The following COL24A1 variants were observed in gnomAD, a reference collection of about 807,000 sequenced individuals.
COL24A1 encodes the protein collagen type XXIV alpha 1 chain, also known as collagen alpha-1(XXIV) chain.
A neutral mutation model predicts 253.9 loss-of-function variants in COL24A1; 224 were observed. The observed-to-expected ratio is 0.88, with a 90% CI of 0.79 to 0.99. COL24A1 has a LOEUF of 0.99. COL24A1 is among the 50% of genes least tolerant of loss of function. The pLI is 0.00. For missense variants in COL24A1, 2,131 were observed against 2,068.5 expected (o/e 1.03, Z -0.59); for synonymous variants, 685 against 673.7 (o/e 1.02, Z -0.26).
At chr1:86,075,298 T>A (rs1034023399) in intron 7 of COL24A1, among the ~76,000 whole-genome samples, 2 of 151,950 alleles carry the variant, frequency 1.3e-5, no homozygotes, top group Non-Finnish European at 2.9e-5. Flanking sequence ...CTAGAAGAAA[T>A]TGATAAATTC....
rs112623830 is a variant in COL24A1 at position 85,937,433 on chromosome 1, G to A, written c.2562+23816C>T. 1.1e-4 allele frequency among the ~76,000 whole-genome samples: 16 copies of A among 147,852 alleles called. 1 individual carries two copies. The highest frequency in any genetic ancestry group is 3.5e-4 in the African/African-American group (14 of 40,440). On this transcript the variant is annotated intron_variant, in intron 24 of 59. Coordinates refer to ENST00000370571, the MANE Select transcript of COL24A1 (RefSeq NM_152890.7). ...GAAGATGTGAGAAACAGGAATATGG[G>A]AGGACATACTGGAGTAGGCACGAAG...
intron 24 of COL24A1, among the ~76,000 whole-genome samples, chr1:85,934,305 G>C (rs1329410965): frequency 6.6e-6 from 1 of 152,130 alleles, no homozygotes; most frequent in East Asian, 1.9e-4. Context: ...ACTTCAGATG[G>C]AGGAATAGAA....
intron 21 of COL24A1, among the ~76,000 whole-genome samples, chr1:85,970,602 T>C (rs1258300235): frequency 6.6e-6 from 1 of 152,210 alleles, no homozygotes; most frequent in Admixed American, 6.5e-5. Context: ...ACATATTTAC[T>C]AAATATACTG....
At chr1:86,022,149 C>G in intron 18 of COL24A1, 91 bp downstream of exon 18, 2 of 1,087,626 alleles carry the variant, frequency 1.8e-6, no homozygotes, top group Non-Finnish European at 2.9e-6. Flanking sequence ...GCTCAGTAGG[C>G]TTATACCCTA....
chr1:86,040,812 A>C lies in COL24A1; in HGVS notation c.1950+6013T>G, dbSNP rs117659576. 2.4e-3 allele frequency among the ~76,000 whole-genome samples: 372 copies of C among 152,204 alleles called. 10 individuals carry two copies. In the East Asian group the frequency reaches 0.046, roughly 19 times the overall value. On this transcript the variant is annotated intron_variant, in intron 12 of 59. Coordinates refer to ENST00000370571, the MANE Select transcript of COL24A1 (RefSeq NM_152890.7). ...TAAGAATTAATAACAACTTTTTCAT[A>C]ATGTTCTAGCTAGAGTTGTACTTTA...
chr1:86,050,723 A>G (rs187977311), intron 10 of COL24A1, among the ~76,000 whole-genome samples: 3 of 152,250 alleles, frequency 2.0e-5, no homozygotes, highest in Admixed American at 2.0e-4. Flanking sequence ...TATACATAAT[A>G]TACTTTGTGT....
intron 57 of COL24A1, 131 bp downstream of exon 57, chr1:85,744,535 A>G (rs897512346): frequency 1.4e-5 from 9 of 628,642 alleles, no homozygotes; most frequent in Non-Finnish European, 2.3e-5. Context: ...ATTCTTGATG[A>G]CATTAAAATG....
intron 17 of COL24A1, 96 bp downstream of exon 17, chr1:86,022,442 C>T: frequency 3.1e-6 from 4 of 1,301,550 alleles, no homozygotes; most frequent in South Asian, 2.5e-5. Flanking sequence ...ATTGATACCA[C>T]ATTCTAACAC....
chr1:85,877,630 C>T (rs571573075), intron 32 of COL24A1, among the ~76,000 whole-genome samples: 5 of 152,116 alleles, frequency 3.3e-5, no homozygotes, highest in Admixed American at 6.5e-5. Flanking sequence ...CCCAAAGTGC[C>T]GGGATTACAG....
At chr1:85,999,284 C>T (rs1293047144) in intron 19 of COL24A1, among the ~76,000 whole-genome samples, 1 of 152,126 alleles carries the variant, frequency 6.6e-6, no homozygotes, top group Non-Finnish European at 1.5e-5. Flanking sequence ...AAGACTTCCT[C>T]ATCAATCTGG....
chr1:86,095,776 C>A (rs10873746), intron 5 of COL24A1, among the ~76,000 whole-genome samples: 57,483 of 151,856 alleles, frequency 0.38, 11,029 homozygotes, highest in Admixed American at 0.46. Flanking sequence ...AAGTATATAT[C>A]CTTTTGACTA....
At chr1:86,110,107 A>G (rs1396064655) in intron 5 of COL24A1, among the ~76,000 whole-genome samples, 1 of 152,022 alleles carries the variant, frequency 6.6e-6, no homozygotes, top group Non-Finnish European at 1.5e-5. Context: ...AGCCTGAAAA[A>G]ACTAAGAAAA....
intron 24 of COL24A1, among the ~76,000 whole-genome samples, chr1:85,942,651 A>G (rs1688860790): frequency 6.6e-6 from 1 of 152,204 alleles, no homozygotes; most frequent in Admixed American, 6.5e-5. Flanking sequence ...CAAAATTCCT[A>G]AAGTCTAAAA....
intron 11 of COL24A1, among the ~76,000 whole-genome samples, chr1:86,049,078 TC>T (rs1700122528): frequency 6.6e-6 from 1 of 152,194 alleles, no homozygotes; most frequent in Admixed American, 6.5e-5. Context: ...GTGAGATACA[TC>T]CTCCGTTAGT....
rs142086023 is a variant in COL24A1 at position 86,085,075 on chromosome 1, G to A, written c.1707+4099C>T. 3.0e-3 allele frequency among the ~76,000 whole-genome samples: 460 copies of A among 152,162 alleles called. 1 individual carries two copies. Among genetic ancestry groups the A allele is most frequent in the African/African-American group, 9.1e-3 (378 of 41,532 alleles). The stretch of plus-strand genomic sequence containing the variant: ...TCTTTCTTCAGGCACTGATTTTTAT[G>A]CCAACTCTGATTTTTTTGTCATTGT... On this transcript the variant is annotated intron_variant, in intron 7 of 59. Coordinates refer to ENST00000370571, the MANE Select transcript of COL24A1 (RefSeq NM_152890.7).
intron 3 of COL24A1, among the ~76,000 whole-genome samples, chr1:86,119,023 G>A (rs549234333): frequency 1.6e-4 from 24 of 152,224 alleles, no homozygotes; most frequent in Admixed American, 1.4e-3. Flanking sequence ...TTCCACTGAA[G>A]AACTTAAGCT....
rs1653651990 is a variant in COL24A1 at position 86,156,567 on chromosome 1, G to T, written c.-171C>A. The T allele has an allele frequency of 2.0e-6, 1 of 490,162 alleles. No homozygotes were observed. The highest frequency in any genetic ancestry group is 3.5e-6 in the Non-Finnish European group (1 of 288,076). 30.4% of individuals were successfully genotyped at this position (490,162 alleles called of 1,614,324 possible). ...GGGGAGGGGGTGAAGTCGGGAGGAG[G>T]TAGGAAATAGCACCCGAAGGGGAGG... is the stretch of plus-strand genomic sequence containing the variant. On this transcript the variant is annotated 5_prime_UTR_variant, in exon 1 of 60. Coordinates refer to ENST00000370571, the MANE Select transcript of COL24A1 (RefSeq NM_152890.7).
intron 5 of COL24A1, among the ~76,000 whole-genome samples, chr1:86,103,371 T>C (rs1704644114): frequency 6.6e-6 from 1 of 152,220 alleles, no homozygotes; most frequent in Admixed American, 6.5e-5. Context: ...ATTTAGCCTG[T>C]TTACATTCAA....
chr1:85,864,780 T>C (rs1558442977), intron 37 of COL24A1, among the ~76,000 whole-genome samples: 1 of 152,164 alleles, frequency 6.6e-6, no homozygotes, highest in Admixed American at 6.5e-5. Context: ...TTTCAATAAA[T>C]CCAACCAAAT....
Sources: gnomAD v4.1 joint callset for allele counts (sites outside exome capture counted in the v4.1 genomes callset) on GRCh38, gnomAD v4.1.1 for gene constraint, MANE v1.5 for transcripts, NCBI Gene and HGNC (gene_info 2026-07-23, HGNC 2026-07-21) for gene names.